CFAP299: variants seen among roughly 807,000 people sequenced by gnomAD.
CFAP299 encodes the protein cilia- and flagella-associated protein 299.
A neutral mutation model predicts 27.0 loss-of-function variants in CFAP299; 21 were observed. That is an observed-to-expected ratio of 0.78 (90% CI 0.55 to 1.12). CFAP299 has a LOEUF of 1.12. CFAP299 is among the 50% of genes most tolerant of loss of function. The probability of loss-of-function intolerance (pLI) is 0.00; values close to 1 mark genes in which losing one functional copy is unlikely to be tolerated. For synonymous variants in CFAP299, 104 were observed against 98.1 expected, an observed-to-expected ratio of 1.06 and a Z score of -0.36; for missense variants, 310 against 276.6, an observed-to-expected ratio of 1.12 and a Z score of -0.86.
chr4:80,678,109 C>T (rs891605400), intron 3 of CFAP299, among the ~76,000 whole-genome samples: 2 of 151,840 alleles, frequency 1.3e-5, no homozygotes, highest in African/African-American at 4.8e-5. Context: ...GGGTATTTAA[C>T]CCTTGGGATA....
In CFAP299 at chr4:80,826,306, G is replaced by A. The variant is rs142386672; in HGVS notation, c.334-43687G>A. Among the ~76,000 whole-genome samples the A allele has an allele frequency of 1.7e-4, 25 of 151,116 alleles. 1 individual carries two copies. The East Asian group carries it at 4.7e-3, about 28-fold the overall frequency. On this transcript the variant is annotated intron_variant, in intron 3 of 5. Transcript: ENST00000358105. ...GAAGACAGTAATGCACAAAATGAGGGACAAAAAATCTTAAAAGGCTTATAG... is the reference window on the plus strand; with the variant it reads ...GAAGACAGTAATGCACAAAATGAGGAACAAAAAATCTTAAAAGGCTTATAG...
At chr4:80,872,880 G>A (rs1235745249) in intron 4 of CFAP299, 1 of 954,444 alleles carries the variant, frequency 1.0e-6, no homozygotes, top group Non-Finnish European at 1.2e-6. Context: ...TGCCTCTTAT[G>A]TGTATTTCAA....
At chr4:80,904,804 C>G (rs986361690) in intron 4 of CFAP299, among the ~76,000 whole-genome samples, 2 of 152,146 alleles carry the variant, frequency 1.3e-5, no homozygotes, top group Admixed American at 6.5e-5. Context: ...AAGGGTGGAA[C>G]CTTCCAATGT....
intron 3 of CFAP299, among the ~76,000 whole-genome samples, chr4:80,800,640 A>AATATATAATATATTAATATAAATATG (rs1560419576): frequency 1.0e-5 from 1 of 98,592 alleles, no homozygotes; most frequent in African/African-American, 4.5e-5. Flanking sequence ...ATAAATATAT[A>AATATATAATATATTAATATAAATATG]ATATATTAAT....
At chr4:80,726,841 AC>A (rs964945502) in intron 3 of CFAP299, among the ~76,000 whole-genome samples, 79 of 151,530 alleles carry the variant, frequency 5.2e-4, no homozygotes, top group African/African-American at 1.9e-3. Context: ...TTACCACAAC[AC>A]CCATGAGATA....
intron 3 of CFAP299, among the ~76,000 whole-genome samples, chr4:80,620,263 C>T (rs750175466): frequency 1.1e-4 from 17 of 152,102 alleles, no homozygotes; most frequent in Non-Finnish European, 2.1e-4. Context: ...ATGTATGTCA[C>T]TACCCTTGCT....
intron 3 of CFAP299, among the ~76,000 whole-genome samples, chr4:80,764,579 C>T (rs139253097): frequency 0.011 from 1,603 of 152,166 alleles, 32 homozygotes; most frequent in African/African-American, 0.035. Context: ...TTTGACCCAG[C>T]GATCTCATTA....
chr4:80,747,582 A>G (rs1272866859), intron 3 of CFAP299, among the ~76,000 whole-genome samples: 4 of 151,996 alleles, frequency 2.6e-5, no homozygotes, highest in Non-Finnish European at 5.9e-5. Flanking sequence ...TTTCCTTATT[A>G]TTATTATTTG....
intron 3 of CFAP299, among the ~76,000 whole-genome samples, chr4:80,740,944 G>T (rs549545726): frequency 7.8e-4 from 118 of 152,186 alleles, no homozygotes; most frequent in African/African-American, 2.6e-3. Context: ...GGGCTGTCAG[G>T]TCCCCTCTGG....
At chr4:80,772,504 A>G (rs1350216590) in intron 3 of CFAP299, among the ~76,000 whole-genome samples, 1 of 152,092 alleles carries the variant, frequency 6.6e-6, no homozygotes, top group Non-Finnish European at 1.5e-5. Context: ...ATTAGATTAT[A>G]TATCTATAAT....
intron 2 of CFAP299, among the ~76,000 whole-genome samples, chr4:80,444,896 T>A (rs1275101658): frequency 6.6e-6 from 1 of 152,138 alleles, no homozygotes; most frequent in African/African-American, 2.4e-5. Flanking sequence ...AAAGAAGACA[T>A]TTTTGCTGCC....
At chr4:80,917,899 T>C (rs1215016135) in intron 4 of CFAP299, among the ~76,000 whole-genome samples, 1 of 152,174 alleles carries the variant, frequency 6.6e-6, no homozygotes, top group Non-Finnish European at 1.5e-5. Flanking sequence ...TATTGTATTC[T>C]AGGGGATGTT....
intron 3 of CFAP299, among the ~76,000 whole-genome samples, chr4:80,861,939 A>T (rs573720117): frequency 1.8e-4 from 27 of 152,214 alleles, no homozygotes; most frequent in African/African-American, 6.3e-4. Context: ...TAAATATAAT[A>T]ATTTTATTTT....
At chr4:80,335,934 C>A in intron 1 of CFAP299, 55 bp downstream of exon 1, 5 of 1,112,036 alleles carry the variant, frequency 4.5e-6, no homozygotes, top group African/African-American at 1.5e-5. Flanking sequence ...GGTCCCTCCT[C>A]GAGTTCCCGC....
intron 2 of CFAP299, among the ~76,000 whole-genome samples, chr4:80,489,086 G>A (rs1730981304): frequency 6.6e-6 from 1 of 152,052 alleles, no homozygotes; most frequent in Non-Finnish European, 1.5e-5. Context: ...AACCTTAAAG[G>A]AACCAAGGTG....
intron 2 of CFAP299, among the ~76,000 whole-genome samples, chr4:80,521,153 T>C (rs2110174826): frequency 6.6e-6 from 1 of 152,276 alleles, no homozygotes; most frequent in East Asian, 1.9e-4. Flanking sequence ...ATTGGAATGA[T>C]GGAGATTATA....
At chr4:80,526,500 G>A (rs1043184693) in intron 2 of CFAP299, among the ~76,000 whole-genome samples, 1 of 151,940 alleles carries the variant, frequency 6.6e-6, no homozygotes, top group African/African-American at 2.4e-5. Context: ...AGTCATCTTC[G>A]ATGTTTTTTT....
At chr4:80,921,530 G>A (rs371125624) in intron 4 of CFAP299, among the ~76,000 whole-genome samples, 24 of 152,152 alleles carry the variant, frequency 1.6e-4, no homozygotes, top group African/African-American at 5.8e-4. Context: ...TATATGAAAG[G>A]GAAACTATCA....
At chr4:80,938,342 G>A (rs1737022663) in intron 4 of CFAP299, among the ~76,000 whole-genome samples, 1 of 152,158 alleles carries the variant, frequency 6.6e-6, no homozygotes, top group South Asian at 2.1e-4. Flanking sequence ...AGGAACACCT[G>A]GCCCACCCAG....
Sources: allele counts gnomAD v4.1 joint callset (sites outside exome capture counted in the v4.1 genomes callset), GRCh38; gene constraint gnomAD v4.1.1; transcripts MANE v1.5; gene names NCBI Gene and HGNC (gene_info 2026-07-23, HGNC 2026-07-21).